Variants in PLCG2 observed in about 807,000 individuals in gnomAD.
PLCG2 encodes the protein phospholipase C gamma 2.
Under a neutral mutation model 175.6 loss-of-function variants are expected in PLCG2, and 69 were observed. The observed-to-expected ratio is 0.39, with a 90% confidence interval of 0.32 to 0.48. The LOEUF (loss-of-function observed/expected upper bound fraction) is 0.48. Among genes scored for constraint, PLCG2 ranks in the 20% least tolerant of loss-of-function variants. PLCG2 has a pLI of 0.91. For synonymous variants in PLCG2, 827 were observed against 624.0 expected (o/e 1.33, Z -4.85); for missense variants, 1,798 against 1,650.9 (o/e 1.09, Z -1.54).
At chr16:81,782,025 C>G (rs534847563) in intron 1 of PLCG2, among the ~76,000 whole-genome samples, 1 of 152,252 alleles carries the variant, frequency 6.6e-6, no homozygotes, top group Non-Finnish European at 1.5e-5. Flanking sequence ...GCATGTGCCA[C>G]CACACCCGGC....
At chr16:81,781,198 A>G (rs1567460159) in intron 1 of PLCG2, among the ~76,000 whole-genome samples, 1 of 152,224 alleles carries the variant, frequency 6.6e-6, no homozygotes, top group Non-Finnish European at 1.5e-5. Context: ...TCCTGGATTT[A>G]CCAGAAGATC....
Position 81,938,261 on chromosome 16 carries a change from G to GTCCAATTCC in PLCG2, c.3198+359_3198+367dup, listed in dbSNP as rs1310181744. On this transcript the variant is annotated intron_variant, in intron 28 of 32. Transcript: ENST00000564138. ...ATGGAGAAGTTTTTTCCCTTACTTTGTCCAATTCCAGGGCTTTTTAAAATT... is the reference window on the plus strand; with the variant it reads ...ATGGAGAAGTTTTTTCCCTTACTTTGTCCAATTCCTCCAATTCCAGGGCTTTTTAAAATT... 2.6e-5 allele frequency among the ~76,000 whole-genome samples: 4 copies of GTCCAATTCC among 152,214 alleles called. No homozygotes were observed. The East Asian group carries it at 7.7e-4, about 29-fold the overall frequency.
At chr16:81,769,210 C>T (rs1340925011) in intron 2 of PLCG2, among the ~76,000 whole-genome samples, 1 of 152,224 alleles carries the variant, frequency 6.6e-6, no homozygotes, top group Non-Finnish European at 1.5e-5. Flanking sequence ...GAAATGGTTG[C>T]CGCAGGTAAA....
Position 81,919,488 on chromosome 16 carries a change from A to C in PLCG2, c.2059A>C (p.Arg687=). The C allele has an allele frequency of 6.2e-7, 1 of 1,613,098 alleles. No homozygotes were observed. The highest frequency in any genetic ancestry group is 8.5e-7 in the Non-Finnish European group (1 of 1,179,338). The change falls in exon 20 of 33, where the codon AGG becomes CGG. Residue 687 remains arginine (R), a synonymous_variant. Coordinates refer to ENST00000564138, the MANE Select transcript of PLCG2 (RefSeq NM_002661.5). ...SDSYAITFRA[R]GKVKHCRINR... ...CCTGTGTTCTTCCTGCTCCAGGGCT[A>C]GGGGCAAGGTAAAGCATTGTCGCAT...
chr16:81,843,362 G>C (rs1357994692), intron 2 of PLCG2, among the ~76,000 whole-genome samples: 1 of 152,110 alleles, frequency 6.6e-6, no homozygotes, highest in Non-Finnish European at 1.5e-5. Flanking sequence ...CTTACAAATA[G>C]GCACATTCCT....
intron 8 of PLCG2, among the ~76,000 whole-genome samples, chr16:81,882,755 C>A (rs546834100): frequency 2.0e-5 from 3 of 151,980 alleles, no homozygotes; most frequent in Non-Finnish European, 1.5e-5. Flanking sequence ...TTCTTGCTCA[C>A]CCCACCTCAT....
Position 81,923,520 on chromosome 16 carries a change from A to G in PLCG2, c.2343A>G (p.Lys781=), listed in dbSNP as rs754323799. Residue 781 remains lysine, a synonymous_variant, in exon 22 of 33, where the codon AAA becomes AAG. Transcript: ENST00000564138. ...QRTVKALYDY[K]AKRSDELSFC... ...CCGTGAAAGCTCTGTATGACTACAA[A>G]GCCAAGCGAAGCGATGAGCTGAGCT... is the stretch of plus-strand genomic sequence containing the variant. The G allele has an allele frequency of 2.5e-6, 4 of 1,613,728 alleles. No homozygotes were observed. The highest frequency in any genetic ancestry group is 3.4e-6 in the Non-Finnish European group (4 of 1,179,760).
rs1003218963 is a variant in PLCG2 at position 81,793,617 on chromosome 16, C to G, written c.193+7435C>G. Reference sequence around the variant, plus strand: ...GGTGGCTGCCCATGAGTGACGGATTCTCAAACATATGAGCTGTCTGTTTCC... The same window carrying G: ...GGTGGCTGCCCATGAGTGACGGATTGTCAAACATATGAGCTGTCTGTTTCC... On this transcript the variant is annotated intron_variant, in intron 2 of 32. Coordinates refer to ENST00000564138, the MANE Select transcript of PLCG2 (RefSeq NM_002661.5). Among the ~76,000 whole-genome samples, 37 of 152,190 alleles carry G rather than the reference C, an allele frequency of 2.4e-4. 1 individual carries two copies. The highest frequency in any genetic ancestry group is 1.0e-4 in the Non-Finnish European group (7 of 68,028).
chr16:81,933,589 G>GAGAC (rs1361883867), intron 25 of PLCG2, among the ~76,000 whole-genome samples: 14 of 133,706 alleles, frequency 1.0e-4, no homozygotes, highest in Non-Finnish European at 2.0e-4. Context: ...TTTTTTTTTT[G>GAGAC]AGACAGAGTC....
chr16:81,875,396 G>A (rs56781211), intron 7 of PLCG2, among the ~76,000 whole-genome samples: 2 of 152,320 alleles, frequency 1.3e-5, no homozygotes, highest in African/African-American at 4.8e-5. Flanking sequence ...GTTTACTGCA[G>A]GGTAGTAAGC....
chr16:81,931,420 G>A lies in PLCG2; in HGVS notation c.2582-77G>A. On this transcript the variant is annotated intron_variant, in intron 24 of 32. Transcript: ENST00000564138. ...TGGTGGTTGGTCCATGAGAGAAACA[G>A]CTCAGGCAGGGTGCAGTCTGGTCTT... The A allele has an allele frequency of 2.1e-6, 3 of 1,443,200 alleles. No homozygotes were observed. The South Asian group carries it at 3.8e-5, about 18-fold the overall frequency. 89.4% of individuals were successfully genotyped at this position (1,443,200 alleles called of 1,614,324 possible). A position where few individuals can be genotyped will look rare whatever the true frequency, so the allele number is the denominator to read the frequency against.
At chr16:81,746,382 C>T (rs890034684) in intron 1 of PLCG2, among the ~76,000 whole-genome samples, 1 of 152,148 alleles carries the variant, frequency 6.6e-6, no homozygotes, top group Admixed American at 6.5e-5. Flanking sequence ...GAAGCATGGC[C>T]GCAGCGGTGA....
intron 14 of PLCG2, among the ~76,000 whole-genome samples, chr16:81,904,348 T>C (rs377226227): frequency 3.2e-4 from 49 of 152,344 alleles, no homozygotes; most frequent in African/African-American, 1.0e-3. Context: ...AATTCAAATC[T>C]GGATCTGACC....
At chr16:81,863,347 A>C (rs763635150) in intron 5 of PLCG2, among the ~76,000 whole-genome samples, 1 of 152,226 alleles carries the variant, frequency 6.6e-6, no homozygotes, top group African/African-American at 2.4e-5. Flanking sequence ...AATGTCTCCA[A>C]GTTTCATCTG....
chr16:81,832,188 A>T (rs755604888), intron 2 of PLCG2, among the ~76,000 whole-genome samples: 2 of 152,198 alleles, frequency 1.3e-5, no homozygotes, highest in Non-Finnish European at 1.5e-5. Flanking sequence ...TGCCTGACTC[A>T]TGGTGAATAC....
chr16:81,927,479 G>A lies in PLCG2; in HGVS notation c.2514+301G>A, dbSNP rs538313030. ...AATGGGGAATTTGTCCTTTGCTTAA[G>A]CAACTTGCAGATGAAACACATTTAT... On this transcript the variant is annotated intron_variant, in intron 23 of 32. Coordinates refer to ENST00000564138, the MANE Select transcript of PLCG2 (RefSeq NM_002661.5). 7.2e-5 allele frequency among the ~76,000 whole-genome samples: 11 copies of A among 152,330 alleles called. 1 individual carries two copies. In the Middle Eastern group the frequency reaches 0.01, roughly 141 times the overall value.
chr16:81,883,234 C>T, intron 8 of PLCG2, 35 bp from the exon 9 acceptor site: 1 of 1,594,242 alleles, frequency 6.3e-7, no homozygotes, highest in Non-Finnish European at 8.6e-7. Context: ...TTGAATGTGT[C>T]TGTCTCTAAC....
chr16:81,947,503 C>G (rs1214889366), intron 31 of PLCG2, among the ~76,000 whole-genome samples: 1 of 152,166 alleles, frequency 6.6e-6, no homozygotes, highest in Admixed American at 6.5e-5. Context: ...TTAATGCCCA[C>G]GGTCATACCT....
intron 11 of PLCG2, among the ~76,000 whole-genome samples, chr16:81,892,237 G>C (rs914932099): frequency 1.3e-5 from 2 of 152,342 alleles, no homozygotes; most frequent in Middle Eastern, 3.4e-3. Flanking sequence ...TGCTGGAGCA[G>C]GATCTTGTAG....
Sources: gnomAD v4.1 joint callset for allele counts (sites outside exome capture counted in the v4.1 genomes callset) on GRCh38, gnomAD v4.1.1 for gene constraint, MANE v1.5 for transcripts, NCBI Gene and HGNC (gene_info 2026-07-23, HGNC 2026-07-21) for gene names.